CSMD1: variants seen among roughly 807,000 people sequenced by gnomAD.
The protein encoded by CSMD1 is CUB and Sushi multiple domains 1.
A neutral mutation model predicts 417.5 loss-of-function variants in CSMD1; 213 were observed. The ratio of observed to expected loss-of-function variants is 0.51; its 90% CI spans 0.46 to 0.57. The LOEUF (loss-of-function observed/expected upper bound fraction) is 0.57. Among genes scored for constraint, CSMD1 ranks in the 20% least tolerant of loss-of-function variants. The pLI, the probability that CSMD1 is intolerant of heterozygous loss-of-function variation, is 0.00. For missense variants in CSMD1, 6,923 were observed against 4,529.7 expected (o/e 1.53, Z -15.17); for synonymous variants, 2,862 against 1,736.8 (o/e 1.65, Z -16.11).
At chr8:4,446,466 G>A (rs1318476251) in intron 2 of CSMD1, among the ~76,000 whole-genome samples, 5 of 152,138 alleles carry the variant, frequency 3.3e-5, no homozygotes, top group Non-Finnish European at 5.9e-5. Context: ...GACGATCACC[G>A]AACTTGGGAG....
chr8:3,697,498 G>A (rs1234257904), intron 7 of CSMD1, among the ~76,000 whole-genome samples: 3 of 152,116 alleles, frequency 2.0e-5, no homozygotes, highest in Non-Finnish European at 2.9e-5. Flanking sequence ...TTCTTTAATT[G>A]ATAAGAAAGC....
intron 49 of CSMD1, among the ~76,000 whole-genome samples, chr8:3,078,410 A>C (rs1813845135): frequency 6.6e-6 from 1 of 152,230 alleles, no homozygotes; most frequent in Non-Finnish European, 1.5e-5. Flanking sequence ...GGATTTTAGC[A>C]CATGGTAGAG....
chr8:4,251,233 A>G (rs1803047775), intron 3 of CSMD1, among the ~76,000 whole-genome samples: 1 of 152,188 alleles, frequency 6.6e-6, no homozygotes, highest in African/African-American at 2.4e-5. Context: ...CTAACAATAT[A>G]TGTTTCCCTC....
Position 2,965,796 on chromosome 8 carries a change from G to A in CSMD1, c.9259C>T (p.Pro3087Ser). ...IRCTKDGRWN[P>S]SKPVCKAVLC... ...AAACCTTTGCAGACAGGTTTGCTCGGATTCCACCTGCCGTCTTTGGTACAG... is the reference window on the plus strand; with the variant it reads ...AAACCTTTGCAGACAGGTTTGCTCGAATTCCACCTGCCGTCTTTGGTACAG... The change falls in exon 59 of 70, where the codon CCG becomes TCG. Residue 3087 changes from proline to serine, a missense_variant. Transcript: ENST00000635120. 1 of 1,608,336 alleles carries A rather than the reference G, an allele frequency of 6.2e-7. No homozygotes were observed. The highest frequency in any genetic ancestry group is 8.5e-7 in the Non-Finnish European group (1 of 1,177,292).
intron 4 of CSMD1, among the ~76,000 whole-genome samples, chr8:4,020,562 T>C (rs983202170): frequency 6.6e-6 from 1 of 152,204 alleles, no homozygotes; most frequent in African/African-American, 2.4e-5. Flanking sequence ...ATAACCAAGA[T>C]GGAGAAGTCT....
At chr8:4,302,909 A>G (rs1420670126) in intron 3 of CSMD1, among the ~76,000 whole-genome samples, 1 of 152,088 alleles carries the variant, frequency 6.6e-6, no homozygotes, top group Non-Finnish European at 1.5e-5. Flanking sequence ...TTAACTCAAA[A>G]GACAGATTTT....
At chr8:4,360,926 A>G (rs1801721156) in intron 3 of CSMD1, among the ~76,000 whole-genome samples, 1 of 152,180 alleles carries the variant, frequency 6.6e-6, no homozygotes, top group Non-Finnish European at 1.5e-5. Context: ...ATAGCAGGTG[A>G]ATTTCTTTTT....
intron 3 of CSMD1, among the ~76,000 whole-genome samples, chr8:4,257,996 A>T (rs1258906766): frequency 6.6e-6 from 1 of 152,146 alleles, no homozygotes; most frequent in Non-Finnish European, 1.5e-5. Flanking sequence ...TCATAGAATA[A>T]GTGGATTAAA....
At chr8:4,203,445 T>C (rs1408377975) in intron 3 of CSMD1, among the ~76,000 whole-genome samples, 2 of 152,148 alleles carry the variant, frequency 1.3e-5, no homozygotes, top group Admixed American at 1.3e-4. Flanking sequence ...CAGAAAAAAA[T>C]CCAATGTGCT....
chr8:4,053,194 A>G (rs140861069), intron 3 of CSMD1, among the ~76,000 whole-genome samples: 2 of 152,222 alleles, frequency 1.3e-5, no homozygotes, highest in South Asian at 2.1e-4. Context: ...GCCTGAAAAT[A>G]TAACACGTTA....
chr8:3,790,686 A>C (rs1304889168), intron 5 of CSMD1, among the ~76,000 whole-genome samples: 3 of 152,180 alleles, frequency 2.0e-5, no homozygotes, highest in Admixed American at 2.0e-4. Context: ...GGTTTGTTTT[A>C]TCTTTTTGAT....
chr8:4,187,790 C>G (rs774796975), intron 3 of CSMD1, among the ~76,000 whole-genome samples: 22 of 150,992 alleles, frequency 1.5e-4, no homozygotes, highest in Non-Finnish European at 2.5e-4. Flanking sequence ...GTAAAATAGG[C>G]AGGTATTATT....
chr8:3,614,407 T>C (rs1320232086), intron 8 of CSMD1, among the ~76,000 whole-genome samples: 1 of 152,074 alleles, frequency 6.6e-6, no homozygotes, highest in East Asian at 1.9e-4. Flanking sequence ...AATTTAAACC[T>C]CTTCTTCAGA....
intron 3 of CSMD1, among the ~76,000 whole-genome samples, chr8:4,062,063 G>C (rs1364350649): frequency 2.6e-5 from 4 of 152,146 alleles, no homozygotes; most frequent in African/African-American, 9.7e-5. Flanking sequence ...AGCTGCCGTG[G>C]TGGAGCCAGG....
At chr8:3,431,923 G>C (rs1814241732) in intron 12 of CSMD1, among the ~76,000 whole-genome samples, 1 of 152,172 alleles carries the variant, frequency 6.6e-6, no homozygotes, top group Non-Finnish European at 1.5e-5. Context: ...GCCTTGACAT[G>C]ACTTTACTGT....
intron 3 of CSMD1, among the ~76,000 whole-genome samples, chr8:4,132,382 C>T (rs907568707): frequency 1.3e-5 from 2 of 151,916 alleles, no homozygotes; most frequent in Non-Finnish European, 2.9e-5. Context: ...GACTTTGTGC[C>T]TATTCTCTAG....
At chr8:3,943,193 G>C (rs1277848018) in intron 5 of CSMD1, among the ~76,000 whole-genome samples, 2 of 151,816 alleles carry the variant, frequency 1.3e-5, no homozygotes, top group Admixed American at 6.6e-5. Context: ...GATGTTTCCT[G>C]GTGTTCGATT....
At chr8:4,895,011 C>A (rs533177316) in intron 1 of CSMD1, among the ~76,000 whole-genome samples, 1 of 152,302 alleles carries the variant, frequency 6.6e-6, no homozygotes, top group East Asian at 1.9e-4. Flanking sequence ...AGTAACTTCA[C>A]TTCTCTTGAC....
At chr8:3,090,845 T>C (rs552584027) in intron 48 of CSMD1, among the ~76,000 whole-genome samples, 20 of 152,330 alleles carry the variant, frequency 1.3e-4, no homozygotes, top group East Asian at 3.9e-4. Context: ...GTTTAAAGAA[T>C]AGTGTGGTCA....
Sources: gnomAD v4.1 joint callset for allele counts (sites outside exome capture counted in the v4.1 genomes callset) on GRCh38, gnomAD v4.1.1 for gene constraint, MANE v1.5 for transcripts, NCBI Gene and HGNC (gene_info 2026-07-23, HGNC 2026-07-21) for gene names.